Variants in F2 observed in about 807,000 individuals in gnomAD.
F2 encodes coagulation factor II, thrombin.
F2 carries 34 observed loss-of-function variants against 81.9 expected under a neutral mutation model. The observed-to-expected ratio is 0.42, with a 90% CI of 0.32 to 0.55. F2 has a LOEUF of 0.55. F2 is among the 20% of genes least tolerant of loss of function. F2 has a pLI of 0.18. For synonymous variants in F2, 296 were observed against 326.4 expected, an observed-to-expected ratio of 0.91 and a Z score of 1.01; for missense variants, 630 against 833.4, an observed-to-expected ratio of 0.76 and a Z score of 3.00.
Position 46,723,090 on chromosome 11 carries a change from TGAGCTGG to T in F2, c.317-86_317-80del, listed in dbSNP as rs753102200. ...GCAGGTTCAGGATTGTGGACCTGCA[TGAGCTGG>T]GAGGTGGGGGATAGACAACTTTGCA... is the stretch of plus-strand genomic sequence containing the variant. On this transcript the variant is annotated intron_variant, in intron 4 of 13. Transcript: ENST00000311907. The surrounding 1 kb of genome is among the most constrained non-coding windows in gnomAD (Gnocchi z 5.6). 9.4e-7 allele frequency: 1 copy of T among 1,067,308 alleles called. No individual in the cohort carries two copies. Among genetic ancestry groups the T allele is most frequent in the Non-Finnish European group, 1.5e-6 (1 of 681,728 alleles). 66.1% of individuals were successfully genotyped at this position (1,067,308 alleles called of 1,614,324 possible). A position where few individuals can be genotyped will look rare whatever the true frequency, so the allele number is the denominator to read the frequency against.
chr11:46,737,851 T>TC lies in F2; in HGVS notation c.1655-1196dup, dbSNP rs200152930. On this transcript the variant is annotated intron_variant, in intron 12 of 13. Coordinates refer to ENST00000311907, the MANE Select transcript of F2 (RefSeq NM_000506.5). ...GTTCTCTTGCTAGCTTTTTTTTTTT[T>TC]CAGATAGGGTCTTGCTCTGTTGCCC... 5.0e-3 allele frequency among the ~76,000 whole-genome samples: 766 copies of TC among 151,920 alleles called. 10 individuals carry two copies. Among genetic ancestry groups the TC allele is most frequent in the African/African-American group, 0.018 (731 of 41,356 alleles).
At position 46,728,005 on chromosome 11, in the gene F2, G is replaced by A; in HGVS notation, c.1140G>A (p.Met380Ile). The A allele has an allele frequency of 6.2e-7, 1 of 1,610,004 alleles. No homozygotes were observed. The highest frequency in any genetic ancestry group is 8.5e-7 in the Non-Finnish European group (1 of 1,178,846). ...AEIGMSPWQV[M>I]LFRKSPQELL... is the part of the protein sequence containing the mutation. ...CTGCTGCCCCTCCCAGGCAGGTGAT[G>A]CTTTTCCGGAAGAGTCCCCAGGAGC... Residue 380 changes from methionine to isoleucine, a missense_variant, in exon 10 of 14, where the codon ATG becomes ATA. Physicochemically the swap from Met to Ile is conservative, Grantham distance 10. Transcript: ENST00000311907. The surrounding 1 kb of genome is among the most constrained non-coding windows in gnomAD (Gnocchi z 5.1).
intron 12 of F2, among the ~76,000 whole-genome samples, chr11:46,735,626 T>TA (rs1219465815): frequency 0.011 from 1,397 of 131,344 alleles, 12 homozygotes; most frequent in Non-Finnish European, 0.013. Context: ...CTGTTTCTAT[T>TA]AAAAAAAAAA....
Position 46,719,272 on chromosome 11 carries a change from C to T in F2, c.37C>T (p.Leu13=), listed in dbSNP as rs1294754974. The T allele has an allele frequency of 1.9e-6, 3 of 1,613,660 alleles. No homozygotes were observed. The Admixed American group carries it at 5.0e-5, about 27-fold the overall frequency. The change falls in exon 1 of 14, where the codon CTG becomes TTG. Residue 13 remains leucine (L), a synonymous_variant. Coordinates refer to ENST00000311907, the MANE Select transcript of F2 (RefSeq NM_000506.5). The surrounding 1 kb of genome is among the most constrained non-coding windows in gnomAD (Gnocchi z 4.7). The part of the protein sequence containing the change: ...HVRGLQLPGC[L]ALAALCSLVH... Reference sequence around the variant, plus strand: ...CCGAGGCTTGCAGCTGCCTGGCTGCCTGGCCCTGGCTGCCCTGTGTAGCCT... The same window carrying T: ...CCGAGGCTTGCAGCTGCCTGGCTGCTTGGCCCTGGCTGCCCTGTGTAGCCT...
At chr11:46,729,084 C>T (rs1292431486) in intron 11 of F2, among the ~76,000 whole-genome samples, 5 of 152,274 alleles carry the variant, frequency 3.3e-5, no homozygotes, top group Middle Eastern at 3.4e-3. Flanking sequence ...GCAACCCCAC[C>T]TCCTGGGTTC....
chr11:46,719,318 A>C lies in F2; in HGVS notation c.79+4A>C. The C allele has an allele frequency of 2.5e-6, 4 of 1,612,064 alleles. No individual in the cohort carries two copies. Among genetic ancestry groups the C allele is most frequent in the Non-Finnish European group, 3.4e-6 (4 of 1,179,242 alleles). ...AGCCTTGTGCACAGCCAGCATGGTAAGGGAGTGCTTGCAGGCTGGAACAGG... is the reference window on the plus strand; with the variant it reads ...AGCCTTGTGCACAGCCAGCATGGTACGGGAGTGCTTGCAGGCTGGAACAGG... On this transcript the variant is annotated splice_donor_region_variant and intron_variant, in intron 1 of 13. Transcript: ENST00000311907. The surrounding 1 kb of genome is among the most constrained non-coding windows in gnomAD (Gnocchi z 4.7).
chr11:46,725,820 C>G (rs931170073), intron 6 of F2, 39 bp from the exon 7 acceptor site: 49 of 1,605,904 alleles, frequency 3.1e-5, no homozygotes, highest in Non-Finnish European at 4.1e-5. Flanking sequence ...CATGTGTGGT[C>G]TCACTCACTC....
In F2 at chr11:46,720,523, G is replaced by C; in HGVS notation, c.241G>C (p.Asp81His). ...FEALESSTAT[D>H]VFWAKYTACE... ...CTCACTCCCAGCCCTTGTTTTTCAGGATGTGTTCTGGGCCAAGTACACAGG... is the reference window on the plus strand; with the variant it reads ...CTCACTCCCAGCCCTTGTTTTTCAGCATGTGTTCTGGGCCAAGTACACAGG... The change falls in exon 3 of 14, where the codon GAT becomes CAT. Residue 81 changes from aspartate to histidine, a missense_variant and splice_region_variant. By Grantham distance (81) the Asp-to-His change is moderately conservative. Transcript: ENST00000311907. 1 of 1,614,070 alleles carries C rather than the reference G, an allele frequency of 6.2e-7. No homozygotes were observed. The highest frequency in any genetic ancestry group is 2.2e-5 in the East Asian group (1 of 44,870).
intron 13 of F2, 28 bp from the exon 14 acceptor site, chr11:46,739,237 T>C: frequency 6.2e-7 from 1 of 1,613,870 alleles, no homozygotes; most frequent in Non-Finnish European, 8.5e-7. Context: ...AACTTGACTC[T>C]ATTGGAAACC....
chr11:46,725,979 T>C lies in F2; in HGVS notation c.680T>C (p.Val227Ala), dbSNP rs757609093. ...CAGCAGTACCAGGGGCGCCTGGCGG[T>C]GACCACACATGGGCTCCCCTGCCTG... ...RGQQYQGRLA[V>A]TTHGLPCLAW... The change falls in exon 7 of 14, where the codon GTG becomes GCG. Residue 227 changes from valine to alanine, a missense_variant. Physicochemically the swap from Val to Ala is moderately conservative, Grantham distance 64 (BLOSUM62 0). Transcript: ENST00000311907. 1 of 1,613,868 alleles carries C rather than the reference T, an allele frequency of 6.2e-7. No individual in the cohort carries two copies. The highest frequency in any genetic ancestry group is 8.5e-7 in the Non-Finnish European group (1 of 1,179,976).
At position 46,723,013 on chromosome 11, in the gene F2, G is replaced by A. The variant is rs2064847074; in HGVS notation, c.317-167G>A. On this transcript the variant is annotated intron_variant, in intron 4 of 13. Coordinates refer to ENST00000311907, the MANE Select transcript of F2 (RefSeq NM_000506.5). This position sits in a 1 kb window ranked among gnomAD's most constrained non-coding sequence, Gnocchi z 5.6. Reference sequence around the variant, plus strand: ...ACTTAGCGAATATTTGGAGGCCACTGTTGAGTGAATGGGAGAACTGCTGGT... The same window carrying A: ...ACTTAGCGAATATTTGGAGGCCACTATTGAGTGAATGGGAGAACTGCTGGT... 1 of 747,274 alleles carries A rather than the reference G, an allele frequency of 1.3e-6. No homozygotes were observed. Among genetic ancestry groups the A allele is most frequent in the African/African-American group, 1.7e-5 (1 of 58,556 alleles). The allele number at this position is 747,274 out of a possible 1,614,324, so 46.3% of individuals were successfully genotyped here.
Position 46,723,419 on chromosome 11 carries a change from G to A in F2, c.460G>A (p.Glu154Lys), listed in dbSNP as rs778621867. The A allele has an allele frequency of 1.2e-6, 2 of 1,614,120 alleles. No homozygotes were observed. Among genetic ancestry groups the A allele is most frequent in the Admixed American group, 1.7e-5 (1 of 59,992 alleles). Reference sequence around the variant, plus strand: ...TACCCATCCTGGGGCCGACCTACAGGAGAATTTCTGCCGCAACCCCGACAG... The same window carrying A: ...TACCCATCCTGGGGCCGACCTACAGAAGAATTTCTGCCGCAACCCCGACAG... ...STTHPGADLQ[E>K]NFCRNPDSST... The change falls in exon 6 of 14, where the codon GAG becomes AAG. Residue 154 changes from glutamate to lysine, a missense_variant. By Grantham distance (56) the Glu-to-Lys change is moderately conservative. Coordinates refer to ENST00000311907, the MANE Select transcript of F2 (RefSeq NM_000506.5). This position sits in a 1 kb window ranked among gnomAD's most constrained non-coding sequence, Gnocchi z 5.6.
intron 12 of F2, among the ~76,000 whole-genome samples, chr11:46,738,280 T>G (rs893084501): frequency 1.2e-4 from 18 of 152,172 alleles, no homozygotes; most frequent in African/African-American, 4.3e-4. Context: ...ATTACAGGTG[T>G]GAGCCACAGC....
At chr11:46,725,251 T>TA (rs1243402329) in intron 6 of F2, among the ~76,000 whole-genome samples, 3 of 151,876 alleles carry the variant, frequency 2.0e-5, no homozygotes, top group Non-Finnish European at 4.4e-5. Flanking sequence ...GTATTTTTAG[T>TA]AGAGACGGGG....
Position 46,726,067 on chromosome 11 carries a change from G to C in F2, c.768G>C (p.Gln256His). The C allele has an allele frequency of 6.2e-7, 1 of 1,614,216 alleles. No individual in the cohort carries two copies. Among genetic ancestry groups the C allele is most frequent in the Non-Finnish European group, 8.5e-7 (1 of 1,180,034 alleles). Residue 256 changes from glutamine to histidine, a missense_variant, in exon 7 of 14, where the codon CAG (glutamine) becomes CAC (histidine). By Grantham distance (24) the Gln-to-His change is conservative (BLOSUM62 0). Transcript: ENST00000311907. This position sits in a 1 kb window ranked among gnomAD's most constrained non-coding sequence, Gnocchi z 5.9. ...SKHQDFNSAV[Q>H]LVENFCRNPD... is the part of the protein sequence containing the mutation. ...ACCAGGACTTCAACTCAGCTGTGCA[G>C]CTGGTGGAGAACTTCTGCCGCAACC...
Position 46,719,520 on chromosome 11 carries a change from C to T in F2, c.80-182C>T. 2 of 936,020 alleles carry T rather than the reference C, an allele frequency of 2.1e-6. No homozygotes were observed. Among genetic ancestry groups the T allele is most frequent in the Non-Finnish European group, 3.3e-6 (2 of 610,184 alleles). 58.0% of individuals were successfully genotyped at this position (936,020 alleles called of 1,614,324 possible). ...TCCAATATAGGGAGCAGGCTGGGGGCAAGGGGCAGTGTAGGAGGGGCACAG... is the reference window on the plus strand; with the variant it reads ...TCCAATATAGGGAGCAGGCTGGGGGTAAGGGGCAGTGTAGGAGGGGCACAG... On this transcript the variant is annotated intron_variant, in intron 1 of 13. Coordinates refer to ENST00000311907, the MANE Select transcript of F2 (RefSeq NM_000506.5). The surrounding 1 kb of genome is among the most constrained non-coding windows in gnomAD (Gnocchi z 4.7).
At chr11:46,731,381 A>C (rs2064910907) in intron 12 of F2, among the ~76,000 whole-genome samples, 2 of 151,146 alleles carry the variant, frequency 1.3e-5, no homozygotes, top group South Asian at 4.2e-4. Flanking sequence ...GGGTTTCACC[A>C]TGTTGGCCAG....
At chr11:46,735,275 T>C (rs2064937101) in intron 12 of F2, among the ~76,000 whole-genome samples, 1 of 151,758 alleles carries the variant, frequency 6.6e-6, no homozygotes, top group Non-Finnish European at 1.5e-5. Flanking sequence ...CCCTCGTCTC[T>C]ACTAAAATAC....
chr11:46,729,180 G>A (rs2064894795), intron 11 of F2, among the ~76,000 whole-genome samples, 200 bp from the exon 12 acceptor site: 1 of 152,010 alleles, frequency 6.6e-6, no homozygotes, highest in African/African-American at 2.4e-5. Flanking sequence ...GGGTTTCACC[G>A]TGTCGGCCAG....
Sources: gnomAD v4.1 joint callset for allele counts (sites outside exome capture counted in the v4.1 genomes callset) on GRCh38, gnomAD v4.1.1 for gene constraint, Gnocchi (gnomAD v3.1) non-coding constraint, MANE v1.5 for transcripts, NCBI Gene and HGNC (gene_info 2026-07-23, HGNC 2026-07-21) for gene names.